The following BNC2 variants were observed in gnomAD, a reference collection of about 807,000 sequenced individuals.
BNC2 encodes the protein basonuclin zinc finger protein 2, also known as zinc finger protein basonuclin-2.
Under a neutral mutation model 76.3 loss-of-function variants are expected in BNC2, and 20 were observed. The observed-to-expected ratio is 0.26, with a 90% CI of 0.18 to 0.38. The LOEUF is 0.38. Among genes scored for constraint, BNC2 ranks in the 10% least tolerant of loss-of-function variants. The pLI is 1.00. For missense variants in BNC2, 1,382 were observed against 1,399.8 expected (o/e 0.99, Z 0.20); for synonymous variants, 582 against 514.8 (o/e 1.13, Z -1.77).
At chr9:16,757,249 CT>C (rs1825412430) in intron 1 of BNC2, among the ~76,000 whole-genome samples, 1 of 152,094 alleles carries the variant, frequency 6.6e-6, no homozygotes, top group South Asian at 2.1e-4. Context: ...GTAGATTTAC[CT>C]AATTTATTAT....
chr9:16,863,492 C>G (rs886760764), intron 1 of BNC2, among the ~76,000 whole-genome samples: 1 of 152,048 alleles, frequency 6.6e-6, no homozygotes, highest in Non-Finnish European at 1.5e-5. Context: ...GTCAGGAGTT[C>G]GGGACCAGCC....
At chr9:16,682,610 C>A (rs1298872367) in intron 3 of BNC2, among the ~76,000 whole-genome samples, 2 of 152,066 alleles carry the variant, frequency 1.3e-5, no homozygotes, top group Non-Finnish European at 2.9e-5. Flanking sequence ...CACTTGCACC[C>A]CAGTATGTCT....
intron 5 of BNC2, among the ~76,000 whole-genome samples, chr9:16,537,157 T>C (rs573840637): frequency 6.6e-6 from 1 of 152,238 alleles, no homozygotes; most frequent in African/African-American, 2.4e-5. Context: ...GGATAGAAGA[T>C]GTCTATACCA....
At chr9:16,669,022 A>G (rs889024193) in intron 3 of BNC2, among the ~76,000 whole-genome samples, 1 of 152,106 alleles carries the variant, frequency 6.6e-6, no homozygotes, top group African/African-American at 2.4e-5. Flanking sequence ...CACGATTTTC[A>G]TATGAAAAAA....
At chr9:16,821,193 A>G (rs985361662) in intron 1 of BNC2, among the ~76,000 whole-genome samples, 2 of 151,306 alleles carry the variant, frequency 1.3e-5, no homozygotes, top group African/African-American at 4.9e-5. Context: ...AGATCACGCC[A>G]TTGCAATACG....
At chr9:16,841,643 A>C (rs1818829107) in intron 1 of BNC2, among the ~76,000 whole-genome samples, 1 of 152,168 alleles carries the variant, frequency 6.6e-6, no homozygotes, top group Admixed American at 6.5e-5. Context: ...CCTTCTTATA[A>C]AATCAAAAAT....
chr9:16,802,889 A>G (rs1817817080), intron 1 of BNC2, among the ~76,000 whole-genome samples: 1 of 152,204 alleles, frequency 6.6e-6, no homozygotes, highest in Non-Finnish European at 1.5e-5. Context: ...TTTGGGGAAT[A>G]AAGACACGCA....
rs1331318786 is a variant in BNC2 at position 16,411,429 on chromosome 9, TAAA to T, written c.*7557_*7559del. On this transcript the variant is annotated 3_prime_UTR_variant, in exon 7 of 7. Coordinates refer to ENST00000380672, the MANE Select transcript of BNC2 (RefSeq NM_017637.6). ...TTTTTAAAAAAGTGAAACAAAGCAT[TAAA>T]AAAACTATTACAAACGTCCTTAAGC... 6.6e-6 allele frequency: 1 copy of T among 152,566 alleles called. No individual in the cohort carries two copies. The highest frequency in any genetic ancestry group is 1.5e-5 in the Non-Finnish European group (1 of 68,024). 9.5% of individuals were successfully genotyped at this position (152,566 alleles called of 1,614,324 possible).
chr9:16,812,365 G>A (rs1250578524), intron 1 of BNC2, among the ~76,000 whole-genome samples: 1 of 152,228 alleles, frequency 6.6e-6, no homozygotes, highest in Non-Finnish European at 1.5e-5. Context: ...GGAGTCTTCT[G>A]TGCAAATGTG....
intron 3 of BNC2, among the ~76,000 whole-genome samples, chr9:16,616,820 A>AAGGGAGGAAGG (rs754810040): frequency 7.7e-6 from 1 of 129,046 alleles, no homozygotes; most frequent in African/African-American, 2.8e-5. Flanking sequence ...AGGAAGGAAG[A>AAGGGAGGAAGG]AAGGAAGGAA....
intron 3 of BNC2, among the ~76,000 whole-genome samples, chr9:16,722,564 T>C (rs572444848): frequency 3.3e-5 from 5 of 152,316 alleles, no homozygotes; most frequent in African/African-American, 1.2e-4. Flanking sequence ...GCAAAAGGCT[T>C]TACAAATTAC....
chr9:16,846,118 A>T (rs1379763641), intron 1 of BNC2, among the ~76,000 whole-genome samples: 3 of 148,994 alleles, frequency 2.0e-5, no homozygotes, highest in African/African-American at 7.5e-5. Flanking sequence ...CCAACGTGGG[A>T]GACAGAGCGA....
chr9:16,727,032 G>A (rs1388270843), intron 3 of BNC2: 1 of 152,254 alleles, frequency 6.6e-6, no homozygotes, highest in Non-Finnish European at 1.5e-5. Flanking sequence ...TCCCAGCAGA[G>A]CCAGCAAGCC....
chr9:16,515,674 GTC>G (rs770973929), intron 5 of BNC2, among the ~76,000 whole-genome samples: 3 of 149,276 alleles, frequency 2.0e-5, no homozygotes, highest in Admixed American at 6.7e-5. Flanking sequence ...TCTCTTTGAT[GTC>G]TCTGCAGTGA....
chr9:16,728,036 C>A, intron 2 of BNC2, 39 bp from the exon 3 acceptor site: 6 of 1,573,828 alleles, frequency 3.8e-6, no homozygotes, highest in Non-Finnish European at 5.2e-6. Flanking sequence ...CTCTTGGCAG[C>A]CAGTAGCAGG....
chr9:16,763,569 C>CA lies in BNC2; in HGVS notation c.4-25085dup, dbSNP rs544224477. On this transcript the variant is annotated intron_variant, in intron 1 of 6. Coordinates refer to ENST00000380672, the MANE Select transcript of BNC2 (RefSeq NM_017637.6). ...TGAGTGACAGAGCAAGACCCTGTCT[C>CA]AAAAAAACAAAAAAAAACCATCATC... 8.6e-3 allele frequency among the ~76,000 whole-genome samples: 1,284 copies of CA among 149,582 alleles called. 15 individuals carry two copies. The highest frequency in any genetic ancestry group is 0.029 in the African/African-American group (1,184 of 40,386).
intron 6 of BNC2, among the ~76,000 whole-genome samples, chr9:16,423,579 T>C (rs746404836): frequency 6.6e-6 from 1 of 152,190 alleles, no homozygotes; most frequent in Non-Finnish European, 1.5e-5. Context: ...TAAAAGTACA[T>C]TGGTTTCCCT....
intron 1 of BNC2, among the ~76,000 whole-genome samples, chr9:16,794,979 C>G (rs527905507): frequency 3.9e-5 from 6 of 152,154 alleles, no homozygotes; most frequent in Non-Finnish European, 8.8e-5. Context: ...AATACAAATA[C>G]TCTCTCCTCC....
intron 1 of BNC2, among the ~76,000 whole-genome samples, chr9:16,788,560 A>G (rs999903157): frequency 6.6e-6 from 1 of 151,802 alleles, no homozygotes; most frequent in Non-Finnish European, 1.5e-5. Context: ...CTCAAAAAAA[A>G]AAAAAAAAAA....
Sources: allele counts gnomAD v4.1 joint callset (sites outside exome capture counted in the v4.1 genomes callset), GRCh38; gene constraint gnomAD v4.1.1; transcripts MANE v1.5; gene names NCBI Gene and HGNC (gene_info 2026-07-23, HGNC 2026-07-21).